The following SULT2B1 variants were observed in gnomAD, a reference collection of about 807,000 sequenced individuals.
SULT2B1 encodes sulfotransferase family 2B member 1, also known as sulfotransferase 2B1.
A neutral mutation model predicts 33.2 loss-of-function variants in SULT2B1; 16 were observed. That is an observed-to-expected ratio of 0.48 (90% CI 0.33 to 0.73). The LOEUF is 0.73. SULT2B1 is among the 30% of genes least tolerant of loss of function. The pLI is 0.02. For missense variants in SULT2B1, 500 were observed against 506.0 expected, an observed-to-expected ratio of 0.99 and a Z score of 0.11; for synonymous variants, 186 against 200.5, an observed-to-expected ratio of 0.93 and a Z score of 0.61.
At chr19:48,590,819 T>G (rs906892321) in intron 3 of SULT2B1, among the ~76,000 whole-genome samples, 2 of 150,054 alleles carry the variant, frequency 1.3e-5, no homozygotes, top group African/African-American at 4.9e-5. Context: ...GATCTGGGGG[T>G]GTTTTGTTTT....
At chr19:48,576,359 C>CTTTTTTTTTTTTTTTTTTT (rs1188887401) in intron 2 of SULT2B1, among the ~76,000 whole-genome samples, 1 of 96,712 alleles carries the variant, frequency 1.0e-5, no homozygotes, top group African/African-American at 4.3e-5. Flanking sequence ...CTCTACTTCT[C>CTTTTTTTTTTTTTTTTTTT]TTTTTTTTTT....
intron 1 of SULT2B1, among the ~76,000 whole-genome samples, chr19:48,570,551 C>T (rs1000214252): frequency 2.0e-5 from 3 of 152,042 alleles, no homozygotes; most frequent in Non-Finnish European, 4.4e-5. Context: ...CATGCAAGGA[C>T]GTTTGAGCTG....
chr19:48,556,690 C>G (rs754301299), intron 1 of SULT2B1, among the ~76,000 whole-genome samples: 1 of 151,886 alleles, frequency 6.6e-6, no homozygotes, highest in Non-Finnish European at 1.5e-5. Flanking sequence ...GTGGCTCACA[C>G]CTGTAATCCC....
chr19:48,564,259 A>G (rs35905762), intron 1 of SULT2B1, among the ~76,000 whole-genome samples: 1 of 151,422 alleles, frequency 6.6e-6, no homozygotes, highest in Non-Finnish European at 1.5e-5. Context: ...AATAAAAATA[A>G]CAATAAAAAA....
chr19:48,591,489 G>C (rs2147625868), intron 3 of SULT2B1, 120 bp from the exon 4 acceptor site: 1 of 1,186,968 alleles, frequency 8.4e-7, no homozygotes, highest in Middle Eastern at 2.0e-4. Flanking sequence ...AAAAGAGTCT[G>C]CCCTGAGTCC....
At chr19:48,564,678 T>A (rs1233461405) in intron 1 of SULT2B1, among the ~76,000 whole-genome samples, 2 of 152,020 alleles carry the variant, frequency 1.3e-5, no homozygotes, top group African/African-American at 2.4e-5. Context: ...ATTTTTAAAA[T>A]TTTTTTCTTT....
rs181515892 is a variant in SULT2B1 at position 48,554,329 on chromosome 19, G to T, written c.71+2006G>T. 1.4e-3 allele frequency among the ~76,000 whole-genome samples: 195 copies of T among 135,936 alleles called. 1 individual carries two copies. Among genetic ancestry groups the T allele is most frequent in the African/African-American group, 5.1e-3 (182 of 35,406 alleles). 89.2% of individuals were successfully genotyped at this position (135,936 alleles called of 152,430 possible). ...CCCCCAGATTCGCACCTCCTCCCAG[G>T]TTGCCCATCTCAGGGATGTCCCCTC... On this transcript the variant is annotated intron_variant, in intron 1 of 6. Coordinates refer to ENST00000201586, the MANE Select transcript of SULT2B1 (RefSeq NM_177973.2).
intron 1 of SULT2B1, among the ~76,000 whole-genome samples, chr19:48,567,951 A>G (rs1408806046): frequency 6.6e-6 from 1 of 151,572 alleles, no homozygotes; most frequent in African/African-American, 2.4e-5. Context: ...CTCCAGCCTG[A>G]GCAACAGAGC....
chr19:48,559,723 G>A (rs1241399211), intron 1 of SULT2B1, among the ~76,000 whole-genome samples: 4 of 151,592 alleles, frequency 2.6e-5, no homozygotes, highest in South Asian at 4.1e-4. Flanking sequence ...CGCCTTGCCC[G>A]GAGGCCTGGA....
intron 1 of SULT2B1, among the ~76,000 whole-genome samples, chr19:48,563,056 C>A (rs2147600466): frequency 6.6e-6 from 1 of 152,044 alleles, no homozygotes; most frequent in South Asian, 2.1e-4. Flanking sequence ...CCTATCAGAT[C>A]TTTTTTTAAA....
At chr19:48,581,964 G>A (rs890776582) in intron 2 of SULT2B1, among the ~76,000 whole-genome samples, 25 of 151,184 alleles carry the variant, frequency 1.7e-4, no homozygotes, top group African/African-American at 5.8e-4. Flanking sequence ...GAGTGTAGTG[G>A]TGCCATCTTG....
chr19:48,568,549 T>G (rs1177064060), intron 1 of SULT2B1, among the ~76,000 whole-genome samples: 1 of 151,862 alleles, frequency 6.6e-6, no homozygotes, highest in Non-Finnish European at 1.5e-5. Context: ...TGCTGAGAGG[T>G]TGAGCTGGGG....
At chr19:48,565,251 A>G (rs1374537718) in intron 1 of SULT2B1, among the ~76,000 whole-genome samples, 12 of 152,126 alleles carry the variant, frequency 7.9e-5, no homozygotes. Context: ...ATGCATTTCA[A>G]AGTAAGTTAC....
At position 48,585,142 on chromosome 19, in the gene SULT2B1, G is replaced by T. The variant is rs79686060; in HGVS notation, c.215-2087G>T. On this transcript the variant is annotated intron_variant, in intron 2 of 6. Coordinates refer to ENST00000201586, the MANE Select transcript of SULT2B1 (RefSeq NM_177973.2). ...GATCACTTGAGCCTGGGAGTTGGAG[G>T]CTGAAGCTGAAGTAAGCTGTGACTG... 5.0e-3 allele frequency among the ~76,000 whole-genome samples: 757 copies of T among 151,902 alleles called. 23 individuals carry two copies. In the East Asian group the frequency reaches 0.1, roughly 20 times the overall value.
chr19:48,588,935 G>C (rs1973605247), intron 3 of SULT2B1, among the ~76,000 whole-genome samples: 1 of 152,236 alleles, frequency 6.6e-6, no homozygotes, highest in African/African-American at 2.4e-5. Context: ...CGGGTGGGGA[G>C]GCAACAGGGG....
chr19:48,588,096 G>C (rs537720235), intron 3 of SULT2B1, among the ~76,000 whole-genome samples: 2 of 151,526 alleles, frequency 1.3e-5, no homozygotes, highest in East Asian at 1.9e-4. Context: ...TGTAATCCCA[G>C]CTACTCAGGA....
chr19:48,594,104 C>CA (rs1372135426), intron 5 of SULT2B1, among the ~76,000 whole-genome samples: 1 of 151,224 alleles, frequency 6.6e-6, no homozygotes, highest in Non-Finnish European at 1.5e-5. Context: ...GCTAAAAATA[C>CA]AAAAAAATTA....
intron 3 of SULT2B1, among the ~76,000 whole-genome samples, chr19:48,587,759 G>T (rs1342801706): frequency 1.3e-5 from 2 of 151,726 alleles, no homozygotes; most frequent in East Asian, 3.9e-4. Flanking sequence ...CAGACGTGGT[G>T]GCACACACTT....
intron 1 of SULT2B1, among the ~76,000 whole-genome samples, chr19:48,563,689 G>T (rs575954886): frequency 1.3e-5 from 2 of 152,028 alleles, no homozygotes; most frequent in African/African-American, 4.8e-5. Flanking sequence ...TGGGGCGCAG[G>T]CACCGTGGCT....
Sources: gnomAD v4.1 joint callset for allele counts (sites outside exome capture counted in the v4.1 genomes callset) on GRCh38, gnomAD v4.1.1 for gene constraint, MANE v1.5 for transcripts, NCBI Gene and HGNC (gene_info 2026-07-23, HGNC 2026-07-21) for gene names.